MYO5C: variants seen among roughly 807,000 people sequenced by gnomAD.
MYO5C encodes unconventional myosin-Vc.
In MYO5C, 194 loss-of-function variants were observed where a neutral mutation model predicts 235.7. The ratio of observed to expected loss-of-function variants is 0.82; its 90% confidence interval spans 0.73 to 0.93. MYO5C has a LOEUF of 0.93. Among genes scored for constraint, MYO5C ranks in the 40% least tolerant of loss-of-function variants. MYO5C has a pLI of 0.00. For synonymous variants in MYO5C, 707 were observed against 754.8 expected (o/e 0.94, Z 1.04); for missense variants, 2,038 against 2,127.2 (o/e 0.96, Z 0.82).
intron 10 of MYO5C, among the ~76,000 whole-genome samples, chr15:52,259,677 A>G (rs926518832): frequency 2.6e-5 from 4 of 152,248 alleles, no homozygotes; most frequent in African/African-American, 9.6e-5. Context: ...CCAGTAATGT[A>G]TTAAGCATTT....
At chr15:52,212,353 G>A (rs185557199) in intron 34 of MYO5C, among the ~76,000 whole-genome samples, 69 of 152,282 alleles carry the variant, frequency 4.5e-4, no homozygotes, top group Admixed American at 9.8e-4. Context: ...AACGCTCAGT[G>A]GGGATGAAGG....
intron 2 of MYO5C, among the ~76,000 whole-genome samples, chr15:52,280,943 G>A (rs2037150463): frequency 6.6e-6 from 1 of 152,160 alleles, no homozygotes; most frequent in South Asian, 2.1e-4. Context: ...GAGCAGCTCA[G>A]GGCAATCCAC....
chr15:52,268,999 C>T (rs1285720791), intron 8 of MYO5C, among the ~76,000 whole-genome samples: 1 of 152,194 alleles, frequency 6.6e-6, no homozygotes, highest in Non-Finnish European at 1.5e-5. Context: ...TGAATGAGTT[C>T]ACACAGAGTT....
chr15:52,289,983 G>A (rs1300595563), intron 1 of MYO5C, among the ~76,000 whole-genome samples: 2 of 152,122 alleles, frequency 1.3e-5, no homozygotes, highest in African/African-American at 2.4e-5. Flanking sequence ...CCATCCAAGA[G>A]CAAACAGCTC....
intron 21 of MYO5C, among the ~76,000 whole-genome samples, chr15:52,239,425 G>A (rs775475066): frequency 4.0e-5 from 6 of 151,868 alleles, no homozygotes; most frequent in Non-Finnish European, 5.9e-5. Flanking sequence ...GAGCAAATTA[G>A]GAGGTACCTT....
intron 38 of MYO5C, among the ~76,000 whole-genome samples, chr15:52,203,357 TA>T (rs1408017426): frequency 1.1e-4 from 16 of 152,216 alleles, no homozygotes; most frequent in African/African-American, 3.9e-4. Context: ...TTTTATTATT[TA>T]TTTTTTTGAG....
chr15:52,197,188 T>C (rs1242680540), intron 38 of MYO5C, among the ~76,000 whole-genome samples: 2 of 152,186 alleles, frequency 1.3e-5, no homozygotes, highest in African/African-American at 4.8e-5. Context: ...TGTACACAAA[T>C]GTTCACAGCA....
chr15:52,275,557 C>T lies in MYO5C; in HGVS notation c.606+5G>A, dbSNP rs776068353. 3.8e-5 allele frequency: 61 copies of T among 1,614,038 alleles called. No individual in the cohort carries two copies. Among genetic ancestry groups the T allele is most frequent in the Non-Finnish European group, 5.0e-5 (59 of 1,180,038 alleles). ...CACCCAGCTGCCTTCCGCAGTGGTA[C>T]GCACCTCGGTGATGGGATTGGATGC... On this transcript the variant is annotated splice_donor_5th_base_variant and intron_variant, in intron 5 of 40. Transcript: ENST00000261839.
intron 28 of MYO5C, 114 bp downstream of exon 28, chr15:52,224,787 C>T (rs1021023930): frequency 7.6e-6 from 6 of 793,700 alleles, no homozygotes; most frequent in Non-Finnish European, 1.2e-5. Context: ...GTTATTCAGT[C>T]ATTCTACTAT....
chr15:52,247,353 C>A, intron 15 of MYO5C, 105 bp downstream of exon 15: 1 of 1,287,450 alleles, frequency 7.8e-7, no homozygotes, highest in Non-Finnish European at 1.1e-6. Flanking sequence ...AGAGCCCCAG[C>A]GTCTGTCCAT....
chr15:52,241,449 C>G (rs900355106), intron 20 of MYO5C, among the ~76,000 whole-genome samples: 1 of 151,868 alleles, frequency 6.6e-6, no homozygotes, highest in Non-Finnish European at 1.5e-5. Flanking sequence ...TTAGTAGAGA[C>G]AGGGTTTCAC....
At chr15:52,264,665 T>C (rs897274068) in intron 8 of MYO5C, among the ~76,000 whole-genome samples, 4 of 152,240 alleles carry the variant, frequency 2.6e-5, no homozygotes, top group African/African-American at 4.8e-5. Context: ...CCCTGAATTA[T>C]TTTTTAGGTG....
rs764763342 is a variant in MYO5C, at chr15:52,242,085, T to A, written c.2519A>T (p.Tyr840Phe). The change falls in exon 20 of 41, where the codon TAC becomes TTC. Residue 840 changes from tyrosine (Y) to phenylalanine (F), a missense_variant. Physicochemically the swap from Tyr to Phe is conservative, Grantham distance 22 (BLOSUM62 3). Coordinates refer to ENST00000261839, the MANE Select transcript of MYO5C (RefSeq NM_018728.4). ...IRMATITMQA[Y>F]SRGFLARRRY... ...CCTCCTTGCCAGGAATCCTCGGCTG[T>A]AGGCCTGCATTGTGATGGTGGCCAT... 2 of 1,613,814 alleles carry A rather than the reference T, an allele frequency of 1.2e-6. No homozygotes were observed. Among genetic ancestry groups the A allele is most frequent in the Non-Finnish European group, 1.7e-6 (2 of 1,179,880 alleles).
chr15:52,194,070 G>A lies in MYO5C; in HGVS notation c.5077-16C>T, dbSNP rs371661273. 1.6e-5 allele frequency: 25 copies of A among 1,602,052 alleles called. No individual in the cohort carries two copies. In the African/African-American group the frequency reaches 2.7e-4, roughly 17 times the overall value. ...TTAGGAGAGCCTGAAATTAGAATCA[G>A]AGGAAAAATGAGTAAGGAAACTAAC... On this transcript the variant is annotated splice_polypyrimidine_tract_variant and intron_variant, in intron 40 of 40. Transcript: ENST00000261839.
At chr15:52,236,533 G>A (rs1322127324) in intron 22 of MYO5C, among the ~76,000 whole-genome samples, 5 of 152,162 alleles carry the variant, frequency 3.3e-5, no homozygotes, top group Admixed American at 1.3e-4. Flanking sequence ...AAAATTAGCC[G>A]GGCGTCATGG....
chr15:52,233,875 G>GGACT (rs2036022783), intron 23 of MYO5C, among the ~76,000 whole-genome samples: 1 of 152,152 alleles, frequency 6.6e-6, no homozygotes, highest in South Asian at 2.1e-4. Flanking sequence ...CACCCCAGAA[G>GGACT]GAGTCCTCGG....
intron 28 of MYO5C, 107 bp downstream of exon 28, chr15:52,224,794 C>T (rs2035781265): frequency 2.3e-6 from 2 of 853,356 alleles, no homozygotes; most frequent in African/African-American, 3.4e-5. Flanking sequence ...AGTCATTCTA[C>T]TATAAGGAAT....
chr15:52,288,747 A>G (rs950079251), intron 1 of MYO5C, among the ~76,000 whole-genome samples: 23 of 152,232 alleles, frequency 1.5e-4, no homozygotes, highest in African/African-American at 5.5e-4. Flanking sequence ...ATGAGGCAGG[A>G]GTCTGTGGAC....
chr15:52,203,471 G>A (rs566410347), intron 38 of MYO5C, among the ~76,000 whole-genome samples: 1 of 152,018 alleles, frequency 6.6e-6, no homozygotes, highest in Admixed American at 6.5e-5. Context: ...TCGGCCTCCC[G>A]AGTAGCTGGG....
Sources: allele counts gnomAD v4.1 joint callset (sites outside exome capture counted in the v4.1 genomes callset), GRCh38; gene constraint gnomAD v4.1.1; transcripts MANE v1.5; gene names NCBI Gene and HGNC (gene_info 2026-07-23, HGNC 2026-07-21).